Variants in RIMS1 observed in about 807,000 individuals in gnomAD.
RIMS1 encodes the protein regulating synaptic membrane exocytosis protein 1.
Under a neutral mutation model 214.1 loss-of-function variants are expected in RIMS1, and 83 were observed. That is an observed-to-expected ratio of 0.39 (90% CI 0.32 to 0.47). RIMS1 has a LOEUF of 0.47. Ranked by LOEUF, RIMS1 falls within the 20% of genes least tolerant of loss-of-function variation. The probability of loss-of-function intolerance (pLI) is 0.99; values close to 1 mark genes in which losing one functional copy is unlikely to be tolerated. For missense variants in RIMS1, 2,050 were observed against 2,161.8 expected (o/e 0.95, Z 1.03); for synonymous variants, 793 against 786.8 (o/e 1.01, Z -0.13).
At chr6:71,960,959 G>C (rs996138067) in intron 1 of RIMS1, among the ~76,000 whole-genome samples, 2 of 151,988 alleles carry the variant, frequency 1.3e-5, no homozygotes, top group African/African-American at 4.8e-5. Context: ...TCCTGCAGAA[G>C]ACATAGTGAC....
intron 4 of RIMS1, among the ~76,000 whole-genome samples, chr6:72,126,180 C>A (rs551519187): frequency 6.6e-6 from 1 of 152,080 alleles, no homozygotes; most frequent in Non-Finnish European, 1.5e-5. Context: ...AGAAAGGCAC[C>A]CTGTTCAATA....
intron 26 of RIMS1, among the ~76,000 whole-genome samples, chr6:72,297,990 A>G (rs1369114942): frequency 1.3e-5 from 2 of 151,966 alleles, no homozygotes; most frequent in East Asian, 3.9e-4. Flanking sequence ...ACCAGTACAC[A>G]AGCCAAGGGG....
chr6:72,160,258 G>A (rs2045162753), intron 4 of RIMS1, among the ~76,000 whole-genome samples: 1 of 138,932 alleles, frequency 7.2e-6, no homozygotes, highest in African/African-American at 2.5e-5. Context: ...TGCTGAAGTT[G>A]CCTATCAGCT....
chr6:72,179,913 G>T lies in RIMS1; in HGVS notation c.810G>T (p.Glu270Asp). 6.8e-7 allele frequency: 1 copy of T among 1,478,050 alleles called. No individual in the cohort carries two copies. The highest frequency in any genetic ancestry group is 1.5e-5 in the South Asian group (1 of 65,226). 91.6% of individuals were successfully genotyped at this position (1,478,050 alleles called of 1,614,324 possible). Reference sequence around the variant, plus strand: ...GGTCTAGAAGTGAACCTCCTAGAGAGAGGTAATAGTTCTTTCACCCTGTAA... The same window carrying T: ...GGTCTAGAAGTGAACCTCCTAGAGATAGGTAATAGTTCTTTCACCCTGTAA... ...SSRSRSEPPR[E>D]RKKTPGLSEQ... Residue 270 changes from glutamate (E) to aspartate (D), a missense_variant and splice_region_variant, in exon 5 of 34, where the codon GAG (glutamate) becomes GAT (aspartate). Coordinates refer to ENST00000521978, the MANE Select transcript of RIMS1 (RefSeq NM_014989.7).
intron 8 of RIMS1, among the ~76,000 whole-genome samples, chr6:72,237,229 GAAA>G (rs200431992): frequency 8.5e-6 from 1 of 118,280 alleles, no homozygotes; most frequent in Non-Finnish European, 1.8e-5. Context: ...GAGAGAGAGA[GAAA>G]AAAAAAAGGA....
Position 72,177,000 on chromosome 6 carries a change from G to A in RIMS1, c.472-2575G>A, listed in dbSNP as rs759249342. The stretch of plus-strand genomic sequence containing the variant: ...TTCTCATTGACCCATTTTTTGTAAC[G>A]TTTAAAAATGTGAAGCAATCAAAAT... On this transcript the variant is annotated intron_variant, in intron 4 of 33. Transcript: ENST00000521978. 5.3e-5 allele frequency among the ~76,000 whole-genome samples: 8 copies of A among 152,002 alleles called. No homozygotes were observed. In the South Asian group the frequency reaches 8.3e-4, roughly 16 times the overall value.
At chr6:72,286,360 G>C (rs1418748912) in intron 24 of RIMS1, among the ~76,000 whole-genome samples, 1 of 152,140 alleles carries the variant, frequency 6.6e-6, no homozygotes, top group Non-Finnish European at 1.5e-5. Flanking sequence ...TGATATTGAG[G>C]CATCTGCCTT....
chr6:72,345,123 G>A (rs2097214589), intron 29 of RIMS1, among the ~76,000 whole-genome samples: 1 of 151,710 alleles, frequency 6.6e-6, no homozygotes, highest in African/African-American at 2.4e-5. Context: ...GATGTAACAA[G>A]AAATGTGTCT....
chr6:71,892,983 A>C (rs1770421470), intron 1 of RIMS1, among the ~76,000 whole-genome samples: 1 of 152,230 alleles, frequency 6.6e-6, no homozygotes, highest in African/African-American at 2.4e-5. Context: ...TTTATATGTA[A>C]AGTGGAATTT....
chr6:71,924,690 C>T (rs1781062104), intron 1 of RIMS1, among the ~76,000 whole-genome samples: 1 of 149,162 alleles, frequency 6.7e-6, no homozygotes, highest in Non-Finnish European at 1.5e-5. Flanking sequence ...GCCTATAGTC[C>T]CAGCTACTCA....
chr6:71,977,086 A>G (rs145381695), intron 2 of RIMS1, among the ~76,000 whole-genome samples: 2 of 152,162 alleles, frequency 1.3e-5, no homozygotes, highest in Non-Finnish European at 1.5e-5. Flanking sequence ...GGGACAACAC[A>G]AAAGAATGGA....
At chr6:72,258,327 T>C (rs2076706488) in intron 17 of RIMS1, 46 bp downstream of exon 17, 1 of 1,506,144 alleles carries the variant, frequency 6.6e-7, no homozygotes, top group South Asian at 1.2e-5. Context: ...ACATTTTTAT[T>C]ATAATGCAGT....
intron 4 of RIMS1, among the ~76,000 whole-genome samples, chr6:72,176,300 A>G (rs540175219): frequency 3.3e-4 from 51 of 152,310 alleles, no homozygotes; most frequent in Non-Finnish European, 5.9e-4. Context: ...CTAAAAAAAA[A>G]TCTGTTAAAA....
intron 2 of RIMS1, among the ~76,000 whole-genome samples, chr6:72,004,001 T>C (rs1806354317): frequency 7.0e-6 from 1 of 141,970 alleles, no homozygotes; most frequent in Non-Finnish European, 1.5e-5. Context: ...GTGTATCTCC[T>C]AATGCTATCC....
intron 4 of RIMS1, chr6:72,148,484 C>T (rs549139226): frequency 1.7e-4 from 65 of 387,930 alleles, no homozygotes; most frequent in African/African-American, 1.0e-3. Flanking sequence ...ACCTTCACCA[C>T]GTAGCAGGAA....
intron 29 of RIMS1, among the ~76,000 whole-genome samples, chr6:72,370,198 A>C (rs1191283349): frequency 1.3e-4 from 20 of 152,102 alleles, no homozygotes; most frequent in Admixed American, 1.3e-3. Flanking sequence ...CTTGCTACCA[A>C]AGTTTCAGAG....
At chr6:72,370,100 G>A (rs538704819) in intron 29 of RIMS1, among the ~76,000 whole-genome samples, 77 of 152,324 alleles carry the variant, frequency 5.1e-4, no homozygotes, top group South Asian at 1.7e-3. Context: ...TCCTCTGTTT[G>A]CTACACTTTC....
At chr6:72,173,605 T>G (rs752870835) in intron 4 of RIMS1, among the ~76,000 whole-genome samples, 1 of 152,186 alleles carries the variant, frequency 6.6e-6, no homozygotes, top group African/African-American at 2.4e-5. Context: ...AAGGTTGACA[T>G]CTGAACACTA....
rs7770572 is a variant in RIMS1, at chr6:72,341,275, C to A, written c.4366+7440C>A. ...TTTTCCTAACTGAATGCCCTTTATT[C>A]CCTTCTCCTGCCTGATTGCCCTGGC... On this transcript the variant is annotated intron_variant, in intron 29 of 33. Coordinates refer to ENST00000521978, the MANE Select transcript of RIMS1 (RefSeq NM_014989.7). Among the ~76,000 whole-genome samples, 749 of 151,812 alleles carry A rather than the reference C, an allele frequency of 4.9e-3. 5 individuals carry two copies. Among genetic ancestry groups the A allele is most frequent in the African/African-American group, 0.017 (722 of 41,476 alleles).
Sources: allele counts gnomAD v4.1 joint callset (sites outside exome capture counted in the v4.1 genomes callset), GRCh38; gene constraint gnomAD v4.1.1; transcripts MANE v1.5; gene names NCBI Gene and HGNC (gene_info 2026-07-23, HGNC 2026-07-21).